PER3: variants seen among roughly 807,000 people sequenced by gnomAD.
PER3 encodes the protein period circadian protein homolog 3.
In PER3, 107 loss-of-function variants were observed where a neutral mutation model predicts 127.2. The ratio of observed to expected loss-of-function variants is 0.84; its 90% CI spans 0.72 to 0.99. The LOEUF is 0.99. Among genes scored for constraint, PER3 ranks in the 50% least tolerant of loss-of-function variants. The pLI is 0.00. For synonymous variants in PER3, 618 were observed against 585.8 expected (o/e 1.05, Z -0.79); for missense variants, 1,560 against 1,525.8 (o/e 1.02, Z -0.37).
rs1478892417 is a variant in PER3, at chr1:7,798,265, GAGAAA to G, written c.645-257_645-253del. Among the ~76,000 whole-genome samples, 5 of 152,322 alleles carry G rather than the reference GAGAAA, an allele frequency of 3.3e-5. No homozygotes were observed. In the East Asian group the frequency reaches 9.6e-4, roughly 29 times the overall value. On this transcript the variant is annotated intron_variant, in intron 6 of 21. Coordinates refer to ENST00000377532, the MANE Select transcript of PER3 (RefSeq NM_001377275.1). Reference sequence around the variant, plus strand: ...TGGGAATGCATCACATGGAGGCCAGGAGAAAAGTCATGGAACCACTAATTCTGTTT... The same window carrying G: ...TGGGAATGCATCACATGGAGGCCAGGAGTCATGGAACCACTAATTCTGTTT...
At chr1:7,823,107 C>G (rs2151072748) in intron 16 of PER3, among the ~76,000 whole-genome samples, 1 of 152,154 alleles carries the variant, frequency 6.6e-6, no homozygotes, top group East Asian at 1.9e-4. Flanking sequence ...CAAAAATTCT[C>G]AAAACAGATT....
rs1037907506 is a variant in PER3, at chr1:7,810,517, A to C, written c.1451A>C (p.Lys484Thr). 3 of 1,613,778 alleles carry C rather than the reference A, an allele frequency of 1.9e-6. No homozygotes were observed. Among genetic ancestry groups the C allele is most frequent in the Middle Eastern group, 1.6e-4 (1 of 6,062 alleles). Residue 484 changes from lysine (K) to threonine (T), a missense_variant, in exon 13 of 22, where the codon AAA becomes ACA. Physicochemically the swap from Lys to Thr is moderately conservative, Grantham distance 78. Transcript: ENST00000377532. ...CAGCTCTACATTGAGTCAATGACCA[A>C]ATCATCATTCAAGCCAGTGACGGGG... ...GQQLYIESMT[K>T]SSFKPVTGTR... is the part of the protein sequence containing the mutation.
chr1:7,787,461 G>A (rs779132671), intron 4 of PER3: 11 of 473,680 alleles, frequency 2.3e-5, no homozygotes, highest in African/African-American at 2.0e-4. Context: ...TTATGGACTG[G>A]TGTGTACATA....
Position 7,786,890 on chromosome 1 carries a change from T to C in PER3, c.390+54T>C, listed in dbSNP as rs922283396. 6.3e-6 allele frequency: 6 copies of C among 953,410 alleles called. No homozygotes were observed. In the Admixed American group the frequency reaches 7.0e-5, roughly 11 times the overall value. 59.1% of individuals were successfully genotyped at this position (953,410 alleles called of 1,614,324 possible). ...ACCTGGGTGACTTTTCCTAAGGGCC[T>C]GCTCTAGATGTAGGCTTTTAAGAAG... On this transcript the variant is annotated intron_variant, in intron 4 of 21. Transcript: ENST00000377532.
chr1:7,824,892 T>C (rs2097294311), intron 16 of PER3, among the ~76,000 whole-genome samples: 1 of 152,188 alleles, frequency 6.6e-6, no homozygotes, highest in East Asian at 1.9e-4. Flanking sequence ...TCCTCTCAGG[T>C]GGTTTTTTCC....
Position 7,819,415 on chromosome 1 carries a change from C to T in PER3, c.1653C>T (p.Val551=). ...SYQQINCIDS[V]IRYLKSYNIP... ...AACAGATCAACTGTATCGACAGTGT[C>T]ATCAGGTATGAGACCGCAAGTTTGG... The change falls in exon 14 of 22, where the codon GTC becomes GTT. Residue 551 remains valine, a synonymous_variant. Transcript: ENST00000377532. The T allele has an allele frequency of 3.1e-6, 5 of 1,613,918 alleles. No homozygotes were observed. Among genetic ancestry groups the T allele is most frequent in the Non-Finnish European group, 4.2e-6 (5 of 1,179,872 alleles).
chr1:7,800,119 T>C (rs2097163917), intron 7 of PER3, among the ~76,000 whole-genome samples: 1 of 152,054 alleles, frequency 6.6e-6, no homozygotes, highest in Non-Finnish European at 1.5e-5. Flanking sequence ...GATGCTGTTT[T>C]CTGCATTCAC....
intron 8 of PER3, 123 bp downstream of exon 8, chr1:7,801,314 G>C (rs978592155): frequency 1.7e-6 from 1 of 587,674 alleles, no homozygotes; most frequent in Non-Finnish European, 3.0e-6. Context: ...TTGCCTATTT[G>C]ATTTTTGTTA....
chr1:7,836,886 G>A (rs755220786), intron 20 of PER3, 113 bp from the exon 21 acceptor site: 3 of 694,360 alleles, frequency 4.3e-6, no homozygotes, highest in Non-Finnish European at 7.2e-6. Context: ...TGCCTCATGT[G>A]TTAGAAAATG....
At position 7,827,793 on chromosome 1, in the gene PER3, A is replaced by G. The variant is rs369713686; in HGVS notation, c.2864A>G (p.Asn955Ser). The G allele has an allele frequency of 5.0e-6, 8 of 1,612,310 alleles. No homozygotes were observed. The highest frequency in any genetic ancestry group is 6.8e-6 in the Non-Finnish European group (8 of 1,178,974). Residue 955 changes from asparagine to serine, a missense_variant, in exon 18 of 22, where the codon AAC becomes AGC. Around this residue, in one of 3 missense-constraint regions of PER3, gnomAD observed 1,332 missense variants for 1,223.6 expected, o/e 1.09. Coordinates refer to ENST00000377532, the MANE Select transcript of PER3 (RefSeq NM_001377275.1). Reference protein sequence around the residue: ...PSESPDQMRRNTCPQTEYQCV... With the variant: ...PSESPDQMRRSTCPQTEYQCV... ...GAATCTCCAGATCAGATGAGAAGGA[A>G]CACGTGCCCACAAACTGAGTATGTA...
intron 16 of PER3, among the ~76,000 whole-genome samples, chr1:7,822,443 T>C (rs1177545995): frequency 6.6e-6 from 1 of 151,780 alleles, no homozygotes; most frequent in Non-Finnish European, 1.5e-5. Flanking sequence ...TTAGTAGAGA[T>C]GATATCACCA....
intron 6 of PER3, among the ~76,000 whole-genome samples, chr1:7,797,948 G>A (rs2071983): frequency 0.048 from 7,384 of 152,256 alleles, 623 homozygotes; most frequent in East Asian, 0.27. Flanking sequence ...AAAGGGGTGC[G>A]CCCTCTGGGC....
intron 13 of PER3, among the ~76,000 whole-genome samples, chr1:7,817,227 TG>T (rs1451561832): frequency 6.6e-6 from 1 of 152,216 alleles, no homozygotes; most frequent in Non-Finnish European, 1.5e-5. Context: ...TTGGTTACTG[TG>T]GTGATGGATA....
At chr1:7,835,736 A>G (rs745973573) in intron 19 of PER3, 26 bp from the exon 20 acceptor site, 2 of 1,546,876 alleles carry the variant, frequency 1.3e-6, no homozygotes, top group South Asian at 2.3e-5. Context: ...GGTCTTTTCT[A>G]ATTATGTGTT....
chr1:7,817,963 C>T (rs2097259038), intron 13 of PER3, among the ~76,000 whole-genome samples: 1 of 152,170 alleles, frequency 6.6e-6, no homozygotes, highest in Admixed American at 6.5e-5. Flanking sequence ...GGTAACAAAA[C>T]ATACTGACAT....
At chr1:7,842,372 C>T (rs894797893) in intron 21 of PER3, among the ~76,000 whole-genome samples, 1 of 151,866 alleles carries the variant, frequency 6.6e-6, no homozygotes, top group African/African-American at 2.4e-5. Flanking sequence ...CGGTGGTGGG[C>T]ACCTGTGGTC....
intron 19 of PER3, among the ~76,000 whole-genome samples, chr1:7,831,273 T>C (rs796133819): frequency 3.9e-5 from 6 of 152,368 alleles, no homozygotes; most frequent in African/African-American, 1.4e-4. Flanking sequence ...TGTTAGCATA[T>C]AGAAATTTAA....
intron 21 of PER3, 130 bp from the exon 22 acceptor site, chr1:7,842,542 A>G: frequency 4.5e-6 from 4 of 893,948 alleles, no homozygotes; most frequent in Non-Finnish European, 6.1e-6. Context: ...TAAAGAATGA[A>G]CTATAATGAA....
intron 16 of PER3, among the ~76,000 whole-genome samples, chr1:7,824,343 T>G (rs228695): frequency 0.075 from 11,373 of 152,258 alleles, 528 homozygotes; most frequent in Middle Eastern, 0.13. Flanking sequence ...TTTGAAAAGA[T>G]GAACAAAATT....
Sources: allele counts gnomAD v4.1 joint callset (sites outside exome capture counted in the v4.1 genomes callset), GRCh38; gene constraint gnomAD v4.1.1; regional missense constraint gnomAD v4.1.1; transcripts MANE v1.5; gene names NCBI Gene and HGNC (gene_info 2026-07-23, HGNC 2026-07-21).